ECT2L: variants seen among roughly 807,000 people sequenced by gnomAD.
ECT2L encodes the protein epithelial cell-transforming sequence 2 oncogene-like.
In ECT2L, 126 loss-of-function variants were observed where a neutral mutation model predicts 122.8. That is an observed-to-expected ratio of 1.03 (90% CI 0.89 to 1.19). The LOEUF (loss-of-function observed/expected upper bound fraction) is 1.19. Ranked by LOEUF, ECT2L falls within the 50% of genes most tolerant of loss-of-function variation. ECT2L has a pLI of 0.00. For missense variants in ECT2L, 1,012 were observed against 1,064.1 expected, an observed-to-expected ratio of 0.95 and a Z score of 0.68; for synonymous variants, 385 against 381.8, an observed-to-expected ratio of 1.01 and a Z score of -0.10.
At chr6:138,860,583 T>C (rs1412920388) in intron 10 of ECT2L, among the ~76,000 whole-genome samples, 1 of 152,220 alleles carries the variant, frequency 6.6e-6, no homozygotes, top group Non-Finnish European at 1.5e-5. Context: ...TTGAAGCATT[T>C]TGGAGTATTT....
At chr6:138,877,400 A>G (rs6921543) in intron 14 of ECT2L, among the ~76,000 whole-genome samples, 15,549 of 152,252 alleles carry the variant, frequency 0.1, 1,536 homozygotes, top group African/African-American at 0.26. Context: ...TCTGACTATT[A>G]GTAATAATAC....
At chr6:138,846,284 A>G (rs954213649) in intron 7 of ECT2L, among the ~76,000 whole-genome samples, 17 of 152,158 alleles carry the variant, frequency 1.1e-4, no homozygotes, top group Non-Finnish European at 2.2e-4. Flanking sequence ...AGTGCCCAAT[A>G]AGAGATAAGT....
At chr6:138,800,109 C>T (rs548654581) in intron 1 of ECT2L, among the ~76,000 whole-genome samples, 1 of 152,256 alleles carries the variant, frequency 6.6e-6, no homozygotes, top group South Asian at 2.1e-4. Context: ...CTATTTTATT[C>T]CTTTCTTGCA....
At chr6:138,882,515 T>G (rs192925088) in intron 15 of ECT2L, among the ~76,000 whole-genome samples, 1 of 152,224 alleles carries the variant, frequency 6.6e-6, no homozygotes, top group East Asian at 1.9e-4. Flanking sequence ...GGTGAAGAGG[T>G]GGGATTCCAC....
intron 12 of ECT2L, among the ~76,000 whole-genome samples, chr6:138,865,597 G>C (rs1480523188): frequency 6.6e-6 from 1 of 152,268 alleles, no homozygotes; most frequent in East Asian, 1.9e-4. Context: ...ATATAATTCA[G>C]TGATGGGCTC....
At chr6:138,859,039 C>G (rs760140123) in intron 10 of ECT2L, among the ~76,000 whole-genome samples, 2 of 152,042 alleles carry the variant, frequency 1.3e-5, no homozygotes, top group Non-Finnish European at 1.5e-5. Context: ...TAATATGGAA[C>G]AGCTCAAAAA....
intron 4 of ECT2L, among the ~76,000 whole-genome samples, chr6:138,821,644 GAAGCATGACAA>G (rs1776271932): frequency 6.6e-6 from 1 of 152,234 alleles, no homozygotes; most frequent in Non-Finnish European, 1.5e-5. Flanking sequence ...GTAAGTAAAT[GAAGCATGACAA>G]AAGCTAGTTT....
intron 14 of ECT2L, among the ~76,000 whole-genome samples, chr6:138,877,242 G>A (rs1021548727): frequency 6.6e-6 from 1 of 152,134 alleles, no homozygotes; most frequent in Non-Finnish European, 1.5e-5. Flanking sequence ...GCTCAGACCT[G>A]GGGCTCTTTC....
At chr6:138,814,338 A>T (rs1775998693) in intron 3 of ECT2L, among the ~76,000 whole-genome samples, 153 bp from the exon 4 acceptor site, 1 of 152,006 alleles carries the variant, frequency 6.6e-6, no homozygotes, top group South Asian at 2.1e-4. Flanking sequence ...GAAAGGAGAG[A>T]CCTTTCTCTC....
intron 3 of ECT2L, 39 bp from the exon 4 acceptor site, chr6:138,814,452 C>T: frequency 7.7e-7 from 1 of 1,298,264 alleles, no homozygotes; most frequent in Non-Finnish European, 1.1e-6. Flanking sequence ...AAACAATGAA[C>T]TGTACAGCAA....
chr6:138,806,670 G>A (rs1309277044), intron 1 of ECT2L, among the ~76,000 whole-genome samples: 2 of 151,842 alleles, frequency 1.3e-5, no homozygotes, highest in East Asian at 1.9e-4. Flanking sequence ...CCACCACCAC[G>A]CCCAGCTAAT....
chr6:138,877,751 T>A (rs1042921569), intron 14 of ECT2L, among the ~76,000 whole-genome samples: 1 of 151,910 alleles, frequency 6.6e-6, no homozygotes, highest in Non-Finnish European at 1.5e-5. Flanking sequence ...CTGGGCAACA[T>A]AGAAAAACCC....
At position 138,890,492 on chromosome 6, in the gene ECT2L, C is replaced by CTTT. The variant is rs552594959; in HGVS notation, c.2414+1487_2414+1489dup. On this transcript the variant is annotated intron_variant, in intron 20 of 21. Coordinates refer to ENST00000541398, the MANE Select transcript of ECT2L (RefSeq NM_001077706.3). Reference sequence around the variant, plus strand: ...TCATGACATTTTTGTTTTCTTTGATCTTTTTTTTTTTTTTTTTTTTTTTTT... The same window carrying CTTT: ...TCATGACATTTTTGTTTTCTTTGATCTTTTTTTTTTTTTTTTTTTTTTTTTTTT... Among the ~76,000 whole-genome samples, 251 of 78,952 alleles carry CTTT rather than the reference C, an allele frequency of 3.2e-3. 37 individuals carry two copies. The highest frequency in any genetic ancestry group is 0.013 in the African/African-American group (225 of 17,988). The allele number at this position is 78,952 out of a possible 152,430, so 51.8% of individuals were successfully genotyped here.
intron 5 of ECT2L, among the ~76,000 whole-genome samples, chr6:138,841,152 T>C (rs1009092741): frequency 6.6e-6 from 1 of 152,230 alleles, no homozygotes; most frequent in Non-Finnish European, 1.5e-5. Flanking sequence ...ATTTTAGATA[T>C]ATTAATTATA....
At chr6:138,842,864 G>A in intron 5 of ECT2L, 115 bp from the exon 6 acceptor site, 4 of 997,742 alleles carry the variant, frequency 4.0e-6, no homozygotes, top group Non-Finnish European at 4.1e-6. Flanking sequence ...AATTCTCAGA[G>A]ATTTTTGTAC....
intron 1 of ECT2L, among the ~76,000 whole-genome samples, chr6:138,796,470 G>C (rs1477492252): frequency 6.6e-6 from 1 of 152,202 alleles, no homozygotes; most frequent in Non-Finnish European, 1.5e-5. Flanking sequence ...GAACTGATTT[G>C]GGATCGAAGT....
At chr6:138,895,144 C>T (rs1779166145) in intron 20 of ECT2L, among the ~76,000 whole-genome samples, 1 of 152,100 alleles carries the variant, frequency 6.6e-6, no homozygotes, top group African/African-American at 2.4e-5. Context: ...AAAGATATCA[C>T]ACAATACTTA....
intron 9 of ECT2L, among the ~76,000 whole-genome samples, chr6:138,851,482 C>T (rs1230819928): frequency 1.3e-4 from 14 of 109,618 alleles, no homozygotes; most frequent in South Asian, 3.3e-4. Flanking sequence ...TGTGCCTAGC[C>T]TTTTTTTTTT....
chr6:138,899,701 T>G (rs1034881922), intron 20 of ECT2L, among the ~76,000 whole-genome samples: 3 of 152,180 alleles, frequency 2.0e-5, no homozygotes, highest in Non-Finnish European at 2.9e-5. Flanking sequence ...AGCATAAATA[T>G]ATGGACTCTT....
Sources: gnomAD v4.1 joint callset for allele counts (sites outside exome capture counted in the v4.1 genomes callset) on GRCh38, gnomAD v4.1.1 for gene constraint, MANE v1.5 for transcripts, NCBI Gene and HGNC (gene_info 2026-07-23, HGNC 2026-07-21) for gene names.